The following BICC1 variants were observed in gnomAD, a reference collection of about 807,000 sequenced individuals.
The protein encoded by BICC1 is BicC family RNA binding protein 1.
A neutral mutation model predicts 111.0 loss-of-function variants in BICC1; 43 were observed. The ratio of observed to expected loss-of-function variants is 0.39; its 90% CI spans 0.30 to 0.50. The LOEUF is 0.50. Among genes scored for constraint, BICC1 ranks in the 20% least tolerant of loss-of-function variants. The pLI is 0.88. For synonymous variants in BICC1, 467 were observed against 434.4 expected (o/e 1.07, Z -0.93); for missense variants, 1,091 against 1,203.2 (o/e 0.91, Z 1.38).
chr10:58,605,242 A>C (rs763604621), intron 1 of BICC1, among the ~76,000 whole-genome samples: 7 of 152,158 alleles, frequency 4.6e-5, no homozygotes, highest in Non-Finnish European at 1.0e-4. Context: ...ATGAAATAGT[A>C]TAAAAAGACT....
intron 1 of BICC1, among the ~76,000 whole-genome samples, chr10:58,576,764 G>A (rs1171253237): frequency 6.6e-6 from 1 of 152,152 alleles, no homozygotes; most frequent in African/African-American, 2.4e-5. Flanking sequence ...AGATGACATT[G>A]TTCTGAATCT....
chr10:58,820,510 C>A (rs773277240), intron 20 of BICC1, 42 bp downstream of exon 20: 1 of 1,405,630 alleles, frequency 7.1e-7, no homozygotes, highest in Non-Finnish European at 1.0e-6. Flanking sequence ...ATCTGAATAA[C>A]CTCTGCCAGT....
intron 3 of BICC1, among the ~76,000 whole-genome samples, chr10:58,757,388 T>C (rs1339138812): frequency 6.6e-6 from 1 of 152,210 alleles, no homozygotes; most frequent in Non-Finnish European, 1.5e-5. Flanking sequence ...TCTACCCAAC[T>C]ATTATCATGT....
At chr10:58,628,224 A>C (rs1232882588) in intron 2 of BICC1, among the ~76,000 whole-genome samples, 2 of 152,220 alleles carry the variant, frequency 1.3e-5, no homozygotes, top group Non-Finnish European at 1.5e-5. Context: ...ATGAAGAAAA[A>C]CAGATAACAA....
At chr10:58,711,550 A>G (rs148254805) in intron 3 of BICC1, among the ~76,000 whole-genome samples, 5 of 152,138 alleles carry the variant, frequency 3.3e-5, no homozygotes, top group African/African-American at 1.2e-4. Flanking sequence ...GAGACAGCTC[A>G]TGTTCGGTGA....
At chr10:58,812,683 G>A (rs1165105389) in intron 17 of BICC1, among the ~76,000 whole-genome samples, 1 of 151,848 alleles carries the variant, frequency 6.6e-6, no homozygotes, top group Non-Finnish European at 1.5e-5. Flanking sequence ...TCACCATGTT[G>A]GCCAGGCTGT....
chr10:58,616,198 G>T (rs1166484655), intron 1 of BICC1, among the ~76,000 whole-genome samples: 1 of 152,202 alleles, frequency 6.6e-6, no homozygotes, highest in Non-Finnish European at 1.5e-5. Context: ...TGATACCGAG[G>T]AGGCTGTTAG....
upstream of BICC1, among the ~76,000 whole-genome samples, chr10:58,512,327 G>C (rs1411343526): frequency 6.6e-6 from 1 of 152,122 alleles, no homozygotes; most frequent in Non-Finnish European, 1.5e-5. Context: ...TGCGAAAGAC[G>C]GGCATGATTT....
chr10:58,565,456 T>G (rs1554806845), intron 1 of BICC1, among the ~76,000 whole-genome samples: 2 of 152,144 alleles, frequency 1.3e-5, no homozygotes, highest in Non-Finnish European at 2.9e-5. Flanking sequence ...TGTAGCCTAT[T>G]CCTTGGGGGT....
chr10:58,512,856 G>A (rs896402773), upstream of BICC1, among the ~76,000 whole-genome samples: 8 of 148,436 alleles, frequency 5.4e-5, no homozygotes, highest in Admixed American at 3.3e-4. Context: ...GGAGGCGCGG[G>A]CAGCGCGGCG....
At position 58,829,049 on chromosome 10, in the gene BICC1, G is replaced by A; in HGVS notation, c.*158G>A. ...TGTACTTTATGGCAAAAAGGAAGAA[G>A]AGAGAGAAGATGTTCTTATGATGTC... On this transcript the variant is annotated 3_prime_UTR_variant, in exon 21 of 21. Coordinates refer to ENST00000373886, the MANE Select transcript of BICC1 (RefSeq NM_001080512.3). The A allele has an allele frequency of 1.3e-6, 1 of 776,252 alleles. No individual in the cohort carries two copies. The highest frequency in any genetic ancestry group is 1.7e-5 in the African/African-American group (1 of 57,210). The allele number at this position is 776,252 out of a possible 1,614,324, so 48.1% of individuals were successfully genotyped here. A position where few individuals can be genotyped will look rare whatever the true frequency, so the allele number is the denominator to read the frequency against.
chr10:58,769,229 T>C (rs563898978), intron 3 of BICC1, among the ~76,000 whole-genome samples: 1 of 151,738 alleles, frequency 6.6e-6, no homozygotes, highest in Admixed American at 6.6e-5. Flanking sequence ...GTGGTGACTA[T>C]AGCTCATAAT....
chr10:58,559,113 CAG>C lies in BICC1; in HGVS notation c.190+45781_190+45782del, dbSNP rs201550125. 2.8e-3 allele frequency among the ~76,000 whole-genome samples: 426 copies of C among 149,586 alleles called. 7 individuals carry two copies. The East Asian group carries it at 0.045, about 16-fold the overall frequency. Reference sequence around the variant, plus strand: ...GTGTTTTAATTAATAACCACCCCCCCAGGACTTTTACTTTCATAATTGAGCCC... The same window carrying C: ...GTGTTTTAATTAATAACCACCCCCCCGACTTTTACTTTCATAATTGAGCCC... On this transcript the variant is annotated intron_variant, in intron 1 of 20. Transcript: ENST00000373886.
intron 1 of BICC1, among the ~76,000 whole-genome samples, chr10:58,577,095 T>C (rs932269321): frequency 1.3e-5 from 2 of 152,126 alleles, no homozygotes; most frequent in Non-Finnish European, 2.9e-5. Context: ...GTTTCCACAA[T>C]GTCCAGCTAT....
intron 19 of BICC1, among the ~76,000 whole-genome samples, chr10:58,819,311 G>C (rs1009331838): frequency 9.2e-5 from 14 of 152,202 alleles, no homozygotes; most frequent in African/African-American, 3.1e-4. Flanking sequence ...ATAAATGATG[G>C]CCTAAGGTTT....
chr10:58,633,919 C>G (rs1837871567), intron 2 of BICC1, among the ~76,000 whole-genome samples: 1 of 151,148 alleles, frequency 6.6e-6, no homozygotes. Flanking sequence ...ATTTGAGATC[C>G]AGTATCATAT....
Position 58,561,511 on chromosome 10 carries a change from C to T in BICC1, c.190+48178C>T, listed in dbSNP as rs192392140. Among the ~76,000 whole-genome samples, 336 of 151,970 alleles carry T rather than the reference C, an allele frequency of 2.2e-3. 3 individuals carry two copies. Among genetic ancestry groups the T allele is most frequent in the African/African-American group, 7.4e-3 (308 of 41,490 alleles). ...TTTTTTAAAAAAATCTATTCAGCAACTCTATATCTTTTATTGGAGAATTGA... is the reference window on the plus strand; with the variant it reads ...TTTTTTAAAAAAATCTATTCAGCAATTCTATATCTTTTATTGGAGAATTGA... On this transcript the variant is annotated intron_variant, in intron 1 of 20. Coordinates refer to ENST00000373886, the MANE Select transcript of BICC1 (RefSeq NM_001080512.3).
At chr10:58,576,909 TG>T (rs1176250843) in intron 1 of BICC1, among the ~76,000 whole-genome samples, 1 of 152,156 alleles carries the variant, frequency 6.6e-6, no homozygotes, top group African/African-American at 2.4e-5. Context: ...TTTTTCTTTA[TG>T]GGATTCTTAC....
chr10:58,814,077 A>G (rs867702594), intron 18 of BICC1, 91 bp downstream of exon 18: 1 of 1,423,458 alleles, frequency 7.0e-7, no homozygotes, highest in African/African-American at 1.4e-5. Context: ...GGCCTCTCTG[A>G]CTTCAAGTGC....
Sources: allele counts gnomAD v4.1 joint callset (sites outside exome capture counted in the v4.1 genomes callset), GRCh38; gene constraint gnomAD v4.1.1; transcripts MANE v1.5; gene names NCBI Gene and HGNC (gene_info 2026-07-23, HGNC 2026-07-21).